The following SNTG1 variants were observed in gnomAD, a reference collection of about 807,000 sequenced individuals.
SNTG1 encodes gamma-1-syntrophin.
Under a neutral mutation model 74.7 loss-of-function variants are expected in SNTG1, and 39 were observed. That is an observed-to-expected ratio of 0.52 (90% confidence interval 0.40 to 0.68). The LOEUF (loss-of-function observed/expected upper bound fraction) is 0.68. Among genes scored for constraint, SNTG1 ranks in the 30% least tolerant of loss-of-function variants. The pLI is 0.00. For missense variants in SNTG1, 685 were observed against 609.5 expected (o/e 1.12, Z -1.30); for synonymous variants, 254 against 217.1 (o/e 1.17, Z -1.49).
intron 1 of SNTG1, among the ~76,000 whole-genome samples, chr8:50,049,931 G>C (rs1250683710): frequency 6.6e-6 from 1 of 151,724 alleles, no homozygotes; most frequent in Non-Finnish European, 1.5e-5. Context: ...TATAATACAT[G>C]TCAAAATTCG....
intron 12 of SNTG1, among the ~76,000 whole-genome samples, chr8:50,579,448 T>C (rs1388690805): frequency 1.3e-5 from 2 of 152,050 alleles, no homozygotes; most frequent in African/African-American, 4.8e-5. Context: ...GAGCTGAAAG[T>C]TAATTACCAA....
At chr8:50,790,798 G>T (rs1351754024) in intron 18 of SNTG1, among the ~76,000 whole-genome samples, 1 of 151,874 alleles carries the variant, frequency 6.6e-6, no homozygotes, top group Non-Finnish European at 1.5e-5. Flanking sequence ...AATTGACAAG[G>T]TGGGAGTAAT....
rs192108254 is a variant in SNTG1 at position 50,000,488 on chromosome 8, C to T, written c.-103+88257C>T. Among the ~76,000 whole-genome samples, 538 of 152,182 alleles carry T rather than the reference C, an allele frequency of 3.5e-3. 3 individuals carry two copies. Among genetic ancestry groups the T allele is most frequent in the African/African-American group, 0.012 (513 of 41,516 alleles). ...TATGTTTTTCTCCTTCTCTACTCCC[C>T]TTTCAGATTCTTTGTACAATGTAAA... On this transcript the variant is annotated intron_variant, in intron 1 of 18. Transcript: ENST00000642720.
chr8:50,195,707 T>TGCAAAA (rs2083742530), intron 2 of SNTG1, among the ~76,000 whole-genome samples: 5 of 152,176 alleles, frequency 3.3e-5, no homozygotes, highest in African/African-American at 1.2e-4. Flanking sequence ...AAACAGACCT[T>TGCAAAA]CAGCTTTTCC....
chr8:50,784,447 A>T (rs574637478), intron 18 of SNTG1, among the ~76,000 whole-genome samples: 1 of 152,230 alleles, frequency 6.6e-6, no homozygotes, highest in Admixed American at 6.5e-5. Context: ...GATACTAAAA[A>T]GGGCATTTTA....
intron 12 of SNTG1, among the ~76,000 whole-genome samples, chr8:50,560,092 A>G (rs950019999): frequency 3.3e-5 from 5 of 152,180 alleles, no homozygotes; most frequent in African/African-American, 1.2e-4. Flanking sequence ...TAAGACACTC[A>G]TGCAGCCAAA....
intron 13 of SNTG1, among the ~76,000 whole-genome samples, chr8:50,594,749 A>G (rs2130894785): frequency 6.6e-6 from 1 of 152,314 alleles, no homozygotes; most frequent in South Asian, 2.1e-4. Context: ...TTGCTTCTCT[A>G]TAAAAGCAAC....
chr8:49,994,309 G>T (rs1186902144), intron 1 of SNTG1, among the ~76,000 whole-genome samples: 7 of 142,656 alleles, frequency 4.9e-5, no homozygotes, highest in African/African-American at 1.6e-4. Flanking sequence ...AGGCTAGAGT[G>T]CAATGGCCCA....
At chr8:50,209,058 C>G (rs562343116) in intron 2 of SNTG1, among the ~76,000 whole-genome samples, 1 of 152,140 alleles carries the variant, frequency 6.6e-6, no homozygotes, top group Non-Finnish European at 1.5e-5. Flanking sequence ...TAGAAAATGG[C>G]ACATCAGGAG....
At chr8:50,136,403 C>T (rs953042796) in intron 1 of SNTG1, among the ~76,000 whole-genome samples, 18 of 152,144 alleles carry the variant, frequency 1.2e-4, no homozygotes, top group Admixed American at 2.6e-4. Context: ...TTGTCTTCAG[C>T]CACACCAGCA....
At chr8:50,520,886 G>A (rs911562990) in intron 9 of SNTG1, among the ~76,000 whole-genome samples, 2 of 152,016 alleles carry the variant, frequency 1.3e-5, no homozygotes, top group Non-Finnish European at 1.5e-5. Flanking sequence ...GATCTAGAAC[G>A]AGAAATACAA....
At chr8:50,112,465 A>C (rs934053982) in intron 1 of SNTG1, among the ~76,000 whole-genome samples, 19 of 151,614 alleles carry the variant, frequency 1.3e-4, no homozygotes, top group Non-Finnish European at 2.5e-4. Flanking sequence ...TAATAAAATC[A>C]AGAGGTATAT....
chr8:50,202,735 A>T lies in SNTG1; in HGVS notation c.-28+30100A>T, dbSNP rs528565369. 2.2e-3 allele frequency among the ~76,000 whole-genome samples: 339 copies of T among 151,702 alleles called. 3 individuals carry two copies. The highest frequency in any genetic ancestry group is 5.1e-3 in the Admixed American group (77 of 15,224). ...AAAGTAAATTTACCCTTTTTCTTCT[A>T]AAGGTAAGCATTCCCTCACCTCCCA... On this transcript the variant is annotated intron_variant, in intron 2 of 18. Transcript: ENST00000642720.
intron 2 of SNTG1, among the ~76,000 whole-genome samples, chr8:50,385,806 A>G (rs911953788): frequency 6.6e-6 from 1 of 152,178 alleles, no homozygotes; most frequent in Non-Finnish European, 1.5e-5. Context: ...TGCTCAAGCA[A>G]TAAAACCACA....
intron 1 of SNTG1, among the ~76,000 whole-genome samples, chr8:50,021,090 T>C (rs1373947894): frequency 6.6e-6 from 1 of 152,154 alleles, no homozygotes. Flanking sequence ...TTCCAGGTAT[T>C]GCTTTTGCCC....
intron 2 of SNTG1, among the ~76,000 whole-genome samples, chr8:50,269,462 G>T (rs960605709): frequency 6.6e-6 from 1 of 152,028 alleles, no homozygotes; most frequent in Non-Finnish European, 1.5e-5. Context: ...GTTACCACTC[G>T]GGGAAATGCT....
At chr8:50,328,430 T>G (rs2090837215) in intron 2 of SNTG1, among the ~76,000 whole-genome samples, 4 of 152,202 alleles carry the variant, frequency 2.6e-5, no homozygotes, top group Non-Finnish European at 1.5e-5. Context: ...GATAAAGGTT[T>G]AATTGACCTA....
At chr8:50,297,826 G>T (rs1472087903) in intron 2 of SNTG1, among the ~76,000 whole-genome samples, 1 of 151,504 alleles carries the variant, frequency 6.6e-6, no homozygotes, top group Non-Finnish European at 1.5e-5. Flanking sequence ...GATTATTGTG[G>T]TGTGGTAGCA....
At chr8:50,213,021 T>C (rs73575383) in intron 2 of SNTG1, among the ~76,000 whole-genome samples, 13,763 of 152,236 alleles carry the variant, frequency 0.09, 1,650 homozygotes, top group African/African-American at 0.28. Context: ...TTCTTCTGCC[T>C]CTAAACTACT....
Sources: allele counts gnomAD v4.1 joint callset (sites outside exome capture counted in the v4.1 genomes callset), GRCh38; gene constraint gnomAD v4.1.1; transcripts MANE v1.5; gene names NCBI Gene and HGNC (gene_info 2026-07-23, HGNC 2026-07-21).